The following POC5 variants were observed in gnomAD, a reference collection of about 807,000 sequenced individuals.
The protein encoded by POC5 is centrosomal protein POC5.
POC5 carries 48 observed loss-of-function variants against 62.9 expected under a neutral mutation model. That is an observed-to-expected ratio of 0.76 (90% CI 0.61 to 0.97). The LOEUF is 0.97. POC5 is among the 50% of genes least tolerant of loss of function. POC5 has a pLI of 0.00. For synonymous variants in POC5, 236 were observed against 228.2 expected (o/e 1.03, Z -0.31); for missense variants, 696 against 679.5 (o/e 1.02, Z -0.27).
intron 7 of POC5, among the ~76,000 whole-genome samples, chr5:75,692,001 T>C (rs1212274069): frequency 2.0e-5 from 3 of 152,190 alleles, no homozygotes; most frequent in Admixed American, 6.5e-5. Context: ...TGTATAAATA[T>C]AGTAAAGCCT....
chr5:75,696,633 A>G (rs1776605591), intron 5 of POC5, among the ~76,000 whole-genome samples: 1 of 152,188 alleles, frequency 6.6e-6, no homozygotes, highest in African/African-American at 2.4e-5. Flanking sequence ...AAAAACTGGA[A>G]ACTCTAAAAA....
At chr5:75,697,785 G>A (rs1204975945) in intron 5 of POC5, among the ~76,000 whole-genome samples, 2 of 151,566 alleles carry the variant, frequency 1.3e-5, no homozygotes, top group South Asian at 2.1e-4. Flanking sequence ...ATTGGATAAA[G>A]AGTCAAGATC....
chr5:75,685,692 C>T (rs1020320497), intron 9 of POC5, among the ~76,000 whole-genome samples: 1 of 152,200 alleles, frequency 6.6e-6, no homozygotes, highest in African/African-American at 2.4e-5. Context: ...CAGACTACTT[C>T]CTTCCACATG....
At chr5:75,690,207 A>G (rs967904211) in intron 8 of POC5, among the ~76,000 whole-genome samples, 176 bp downstream of exon 8, 7 of 152,356 alleles carry the variant, frequency 4.6e-5, no homozygotes, top group East Asian at 1.9e-4. Context: ...ACAACTCCTT[A>G]TATCAACCAT....
chr5:75,677,623 A>T (rs865780732), intron 11 of POC5, 151 bp downstream of exon 11: 12,076 of 320,020 alleles, frequency 0.038, 1,149 homozygotes, highest in African/African-American at 0.33. Context: ...ATATATATTA[A>T]AAAAAAAAAA....
At chr5:75,707,152 T>A (rs1196021797) in intron 3 of POC5, among the ~76,000 whole-genome samples, 2 of 152,226 alleles carry the variant, frequency 1.3e-5, no homozygotes, top group African/African-American at 4.8e-5. Flanking sequence ...TGTCTTCACC[T>A]GAATAAGGAA....
intron 4 of POC5, among the ~76,000 whole-genome samples, chr5:75,704,080 G>A (rs750982867): frequency 1.8e-4 from 28 of 151,578 alleles, no homozygotes; most frequent in Admixed American, 9.2e-4. Flanking sequence ...GCTTGAACCC[G>A]GGAAGCAGAG....
At chr5:75,677,999 C>T in intron 10 of POC5, 49 bp from the exon 11 acceptor site, 1 of 1,377,628 alleles carries the variant, frequency 7.3e-7, no homozygotes, top group Non-Finnish European at 9.6e-7. Flanking sequence ...AGAAAATCCA[C>T]AGCAAAATCT....
chr5:75,680,481 T>C (rs1775827243), intron 10 of POC5, among the ~76,000 whole-genome samples: 1 of 152,032 alleles, frequency 6.6e-6, no homozygotes, highest in African/African-American at 2.4e-5. Context: ...CTAAAAGAAA[T>C]CTCTATACGC....
At chr5:75,688,952 C>T in intron 9 of POC5, 60 bp downstream of exon 9, 1 of 1,448,240 alleles carries the variant, frequency 6.9e-7, no homozygotes, top group Non-Finnish European at 9.1e-7. Context: ...ATACCAATCA[C>T]CAAAATCTCC....
chr5:75,689,189 C>G (rs966902746), intron 8 of POC5, 24 bp from the exon 9 acceptor site: 5 of 1,502,048 alleles, frequency 3.3e-6, no homozygotes, highest in African/African-American at 2.8e-5. Flanking sequence ...GTTTAAAAAG[C>G]AAAACAATTT....
At chr5:75,714,386 A>AAG (rs1226196107) in intron 1 of POC5, among the ~76,000 whole-genome samples, 3 of 152,272 alleles carry the variant, frequency 2.0e-5, no homozygotes, top group South Asian at 4.1e-4. Flanking sequence ...TCAAAAAAAA[A>AAG]AGAGAGAGAG....
intron 3 of POC5, 119 bp downstream of exon 3, chr5:75,707,618 A>T: frequency 2.6e-6 from 2 of 768,834 alleles, no homozygotes; most frequent in Non-Finnish European, 4.1e-6. Context: ...TGATACTAAT[A>T]CACATAAATG....
At chr5:75,687,191 C>T (rs1032734656) in intron 9 of POC5, among the ~76,000 whole-genome samples, 17 of 151,986 alleles carry the variant, frequency 1.1e-4, no homozygotes, top group Admixed American at 7.2e-4. Context: ...CCACCACGCC[C>T]GGCTAATTTT....
intron 5 of POC5, among the ~76,000 whole-genome samples, chr5:75,700,719 G>C (rs1002786240): frequency 7.0e-6 from 1 of 142,788 alleles, no homozygotes; most frequent in Non-Finnish European, 1.6e-5. Context: ...ATTGACAAAT[G>C]GGATCTAATT....
Position 75,685,262 on chromosome 5 carries a change from A to G in POC5, c.1352T>C (p.Val451Ala), listed in dbSNP as rs1776052324. Residue 451 changes from valine (V) to alanine (A), a missense_variant, in exon 10 of 12, where the codon GTT (valine) becomes GCT (alanine). By Grantham distance (64) the Val-to-Ala change is moderately conservative. Transcript: ENST00000428202. ...TRAASASSVH[V>A]PVSALGAGSA... ...TCCTGCACCAAGAGCAGAAACAGGA[A>G]CGTGAACAGAAGATGCGGAAGCAGC... 3.7e-6 allele frequency: 6 copies of G among 1,614,042 alleles called. No homozygotes were observed. The East Asian group carries it at 1.1e-4, about 30-fold the overall frequency.
chr5:75,685,782 G>C lies in POC5; in HGVS notation c.1130-298C>G, dbSNP rs1369166020. 2.6e-5 allele frequency among the ~76,000 whole-genome samples: 4 copies of C among 152,254 alleles called. No homozygotes were observed. In the East Asian group the frequency reaches 5.8e-4, roughly 22 times the overall value. On this transcript the variant is annotated intron_variant, in intron 9 of 11. Coordinates refer to ENST00000428202, the MANE Select transcript of POC5 (RefSeq NM_001099271.2). ...TCAGCTGGGACCTTAGCTAAGTAGA[G>C]TATATTGCCATCACAACTGTCACAA...
chr5:75,695,125 T>C (rs1776507925), intron 5 of POC5, among the ~76,000 whole-genome samples: 1 of 152,230 alleles, frequency 6.6e-6, no homozygotes. Context: ...CCTTTGTTTA[T>C]TCAAGGATTA....
At chr5:75,689,596 T>G (rs1253261992) in intron 8 of POC5, 6 of 984,610 alleles carry the variant, frequency 6.1e-6, no homozygotes, top group Non-Finnish European at 4.8e-6. Flanking sequence ...CTTCAGTATT[T>G]GAAGTGCAGA....
Sources: gnomAD v4.1 joint callset for allele counts (sites outside exome capture counted in the v4.1 genomes callset) on GRCh38, gnomAD v4.1.1 for gene constraint, MANE v1.5 for transcripts, NCBI Gene and HGNC (gene_info 2026-07-23, HGNC 2026-07-21) for gene names.